The following DOK6 variants were observed in gnomAD, a reference collection of about 807,000 sequenced individuals.
DOK6 encodes downstream of tyrosine kinase 6.
A neutral mutation model predicts 44.0 loss-of-function variants in DOK6; 22 were observed. The ratio of observed to expected loss-of-function variants is 0.50; its 90% CI spans 0.36 to 0.71. The LOEUF is 0.71. DOK6 is among the 30% of genes least tolerant of loss of function. The pLI is 0.00. For synonymous variants in DOK6, 166 were observed against 145.5 expected, an observed-to-expected ratio of 1.14 and a Z score of -1.01; for missense variants, 340 against 416.4, an observed-to-expected ratio of 0.82 and a Z score of 1.60.
At chr18:69,581,919 G>T (rs1409901661) in intron 2 of DOK6, among the ~76,000 whole-genome samples, 1 of 152,206 alleles carries the variant, frequency 6.6e-6, no homozygotes, top group Non-Finnish European at 1.5e-5. Context: ...AAACAAGCCT[G>T]TGAGAAATGC....
At chr18:69,822,298 A>T (rs1981596493) in intron 7 of DOK6, among the ~76,000 whole-genome samples, 1 of 152,198 alleles carries the variant, frequency 6.6e-6, no homozygotes, top group South Asian at 2.1e-4. Flanking sequence ...CCCTACTTAT[A>T]AGCTAACAAA....
intron 1 of DOK6, among the ~76,000 whole-genome samples, chr18:69,525,378 A>T (rs1981801169): frequency 6.6e-6 from 1 of 152,108 alleles, no homozygotes; most frequent in Middle Eastern, 3.4e-3. Context: ...TGTGTCATGA[A>T]TAATTTTGCA....
intron 1 of DOK6, among the ~76,000 whole-genome samples, chr18:69,553,490 G>A (rs570126571): frequency 1.1e-4 from 17 of 152,284 alleles, no homozygotes; most frequent in African/African-American, 2.4e-4. Context: ...TTTGGAGACA[G>A]ACAAATGCAT....
intron 5 of DOK6, among the ~76,000 whole-genome samples, chr18:69,738,114 CTG>C (rs199965524): frequency 0.011 from 1,608 of 152,296 alleles, 10 homozygotes; most frequent in Non-Finnish European, 0.018. Context: ...GTTGCAGCCT[CTG>C]TAATGTCGGA....
intron 5 of DOK6, among the ~76,000 whole-genome samples, chr18:69,709,063 A>T (rs1455208917): frequency 6.6e-6 from 1 of 152,192 alleles, no homozygotes; most frequent in Non-Finnish European, 1.5e-5. Context: ...TCTCTGTGGG[A>T]GAGCGATGCC....
intron 1 of DOK6, among the ~76,000 whole-genome samples, chr18:69,528,537 T>C (rs1164963873): frequency 6.6e-6 from 1 of 152,162 alleles, no homozygotes; most frequent in Non-Finnish European, 1.5e-5. Flanking sequence ...GCCTGACTCA[T>C]TGCTGGTAAG....
intron 1 of DOK6, among the ~76,000 whole-genome samples, chr18:69,485,510 G>C (rs1980550062): frequency 6.6e-6 from 1 of 152,124 alleles, no homozygotes; most frequent in South Asian, 2.1e-4. Flanking sequence ...ATATCCTGCA[G>C]TTGAATCCCC....
chr18:69,632,805 A>C (rs1984718810), intron 3 of DOK6, among the ~76,000 whole-genome samples: 1 of 152,262 alleles, frequency 6.6e-6, no homozygotes, highest in African/African-American at 2.4e-5. Context: ...ATTTGGAGCA[A>C]GACAAAATAA....
chr18:69,560,923 GCTTT>G (rs1758704309), intron 1 of DOK6, among the ~76,000 whole-genome samples: 1 of 139,654 alleles, frequency 7.2e-6, no homozygotes, highest in South Asian at 2.2e-4. Context: ...TCATTAATAT[GCTTT>G]CTATTTAAAA....
intron 7 of DOK6, among the ~76,000 whole-genome samples, chr18:69,770,054 T>C (rs1599316137): frequency 6.6e-6 from 1 of 152,132 alleles, no homozygotes; most frequent in East Asian, 1.9e-4. Flanking sequence ...CAAATATAAT[T>C]TCATGTAAAC....
chr18:69,748,117 T>C (rs1188411531), intron 6 of DOK6, among the ~76,000 whole-genome samples: 2 of 152,014 alleles, frequency 1.3e-5, no homozygotes, highest in Non-Finnish European at 2.9e-5. Context: ...AAACAGACTT[T>C]AAACCAACAA....
intron 7 of DOK6, among the ~76,000 whole-genome samples, chr18:69,804,364 T>C (rs1599334526): frequency 6.6e-6 from 1 of 152,210 alleles, no homozygotes; most frequent in Admixed American, 6.5e-5. Flanking sequence ...TTAGAAAATC[T>C]CCTTTCAATT....
chr18:69,480,995 G>A (rs1271676380), intron 1 of DOK6, among the ~76,000 whole-genome samples: 1 of 152,100 alleles, frequency 6.6e-6, no homozygotes, highest in Non-Finnish European at 1.5e-5. Flanking sequence ...GAAGGAAAGA[G>A]ATATTTGCCC....
intron 3 of DOK6, among the ~76,000 whole-genome samples, chr18:69,669,266 C>CAA (rs1348484283): frequency 3.9e-5 from 6 of 152,206 alleles, no homozygotes; most frequent in African/African-American, 1.4e-4. Context: ...TCTCCACCCT[C>CAA]AAGTAGGCCC....
intron 3 of DOK6, among the ~76,000 whole-genome samples, chr18:69,601,035 T>G (rs1318990955): frequency 6.6e-6 from 1 of 152,244 alleles, no homozygotes; most frequent in Non-Finnish European, 1.5e-5. Context: ...TCCATTTAAC[T>G]TTCTATTGGT....
intron 1 of DOK6, among the ~76,000 whole-genome samples, chr18:69,537,330 C>T (rs942640000): frequency 1.3e-5 from 2 of 152,032 alleles, no homozygotes; most frequent in African/African-American, 2.4e-5. Flanking sequence ...CTTTTTTCCG[C>T]GGGCTATGTC....
In DOK6 at chr18:69,731,679, CTTA is replaced by C. The variant is rs1342165414; in HGVS notation, c.600-7283_600-7281del. 6.6e-5 allele frequency among the ~76,000 whole-genome samples: 10 copies of C among 152,166 alleles called. No homozygotes were observed. In the East Asian group the frequency reaches 1.9e-3, roughly 29 times the overall value. On this transcript the variant is annotated intron_variant, in intron 5 of 7. Transcript: ENST00000382713. Reference sequence around the variant, plus strand: ...CTTTTTGCTCTGAAGAAATATAATTCTTATTGTTAGGTTCTCCTCAAAATGTTG... The same window carrying C: ...CTTTTTGCTCTGAAGAAATATAATTCTTGTTAGGTTCTCCTCAAAATGTTG...
intron 2 of DOK6, among the ~76,000 whole-genome samples, chr18:69,567,540 T>C (rs1325544886): frequency 6.6e-6 from 1 of 152,068 alleles, no homozygotes; most frequent in African/African-American, 2.4e-5. Context: ...CTGTTGTGAC[T>C]GGAGTGTAGG....
chr18:69,431,879 T>C (rs1477537881), intron 1 of DOK6, among the ~76,000 whole-genome samples: 1 of 152,228 alleles, frequency 6.6e-6, no homozygotes, highest in Non-Finnish European at 1.5e-5. Context: ...CTACATACCC[T>C]TCATCTGGCA....
Sources: gnomAD v4.1 joint callset for allele counts (sites outside exome capture counted in the v4.1 genomes callset) on GRCh38, gnomAD v4.1.1 for gene constraint, MANE v1.5 for transcripts, NCBI Gene and HGNC (gene_info 2026-07-23, HGNC 2026-07-21) for gene names.